The following BLTP1 variants were observed in gnomAD, a reference collection of about 807,000 sequenced individuals.
The protein encoded by BLTP1 is bridge-like lipid transfer protein family member 1, also known as fragile site-associated protein.
At chr4:122,161,120 C>A in the BLTP1 span, 1 of 983,792 alleles carries the variant, frequency 1.0e-6, no homozygotes, top group African/African-American at 1.7e-5. Flanking sequence ...AAGGAGAGCT[C>A]TAAAGTTGGT....
the BLTP1 span, chr4:122,193,664 A>C: frequency 1.1e-6 from 1 of 887,642 alleles, no homozygotes; most frequent in Non-Finnish European, 1.3e-6. Flanking sequence ...TAGTTAAATT[A>C]GTTTAGTTTT....
chr4:122,319,928 A>G, the BLTP1 span, among the ~76,000 whole-genome samples: 2 of 152,114 alleles, frequency 1.3e-5, no homozygotes, highest in Non-Finnish European at 2.9e-5. Context: ...GAGCTTGAGA[A>G]GAATGTGTTA....
the BLTP1 span, among the ~76,000 whole-genome samples, chr4:122,195,090 T>C: frequency 2.7e-4 from 41 of 152,194 alleles, 2 homozygotes; most frequent in Admixed American, 2.6e-3. Flanking sequence ...AGGACAGTTT[T>C]CTTAGCAGCC....
the BLTP1 span, chr4:122,356,585 A>G: frequency 1.0e-5 from 16 of 1,600,052 alleles, no homozygotes; most frequent in East Asian, 3.6e-4. Context: ...TGGGAAGATG[A>G]CTCATTTTAT....
the BLTP1 span, chr4:122,190,157 C>T: frequency 7.6e-5 from 118 of 1,553,758 alleles, no homozygotes; most frequent in Non-Finnish European, 9.8e-5. Context: ...AATGCAGTGG[C>T]GTAATCATAG....
chr4:122,205,647 CT>C, the BLTP1 span, among the ~76,000 whole-genome samples: 1 of 148,810 alleles, frequency 6.7e-6, no homozygotes, highest in East Asian at 2.0e-4. Flanking sequence ...CCCCTTCTCT[CT>C]CTCTCTCTCT....
At chr4:122,331,388 G>A in the BLTP1 span, 1 of 1,611,940 alleles carries the variant, frequency 6.2e-7, no homozygotes, top group Non-Finnish European at 8.5e-7. Context: ...ACAGAACGCT[G>A]GCCAACAACA....
chr4:122,298,193 A>G, the BLTP1 span: 84 of 840,858 alleles, frequency 1.0e-4, no homozygotes, highest in African/African-American at 2.9e-4. Flanking sequence ...TTAATTGAAT[A>G]AATAGATAAG....
At chr4:122,197,718 G>T in the BLTP1 span, among the ~76,000 whole-genome samples, 1 of 151,940 alleles carries the variant, frequency 6.6e-6, no homozygotes, top group Non-Finnish European at 1.5e-5. Context: ...AAGCCGGGTG[G>T]GTACTTTGAG....
At chr4:122,263,590 T>C in the BLTP1 span, 17 of 1,600,686 alleles carry the variant, frequency 1.1e-5, no homozygotes, top group Non-Finnish European at 1.4e-5. Flanking sequence ...GACACAATAG[T>C]CTTCCCACAG....
the BLTP1 span, among the ~76,000 whole-genome samples, chr4:122,240,780 G>A: frequency 6.6e-6 from 1 of 152,114 alleles, no homozygotes; most frequent in African/African-American, 2.4e-5. Context: ...TATGAATATG[G>A]TTATTGGGCA....
At chr4:122,322,425 A>G in the BLTP1 span, among the ~76,000 whole-genome samples, 7 of 100,740 alleles carry the variant, frequency 6.9e-5, no homozygotes, top group African/African-American at 3.0e-4. Context: ...CTGATCTTGC[A>G]TGCTGTCCAC....
chr4:122,206,931 T>A, the BLTP1 span: 1 of 158,376 alleles, frequency 6.3e-6, no homozygotes, highest in African/African-American at 2.4e-5. Flanking sequence ...TAAGTAAACA[T>A]CTGTTTACTG....
the BLTP1 span, chr4:122,192,551 G>T: frequency 5.9e-6 from 1 of 170,472 alleles, no homozygotes; most frequent in Non-Finnish European, 1.2e-5. Context: ...CCACAAGCAA[G>T]TTCATTCCAA....
the BLTP1 span, chr4:122,229,794 TATTTC>T: frequency 7.4e-7 from 1 of 1,357,666 alleles, no homozygotes; most frequent in South Asian, 2.0e-5. Context: ...TTTCCTTTTT[TATTTC>T]TTTTTCCTTT....
At chr4:122,356,625 C>T in the BLTP1 span, 1 of 1,609,840 alleles carries the variant, frequency 6.2e-7, no homozygotes, top group Non-Finnish European at 8.5e-7. Flanking sequence ...TTGCAGATGC[C>T]AGCCTGAAGC....
chr4:122,345,927 C>A, the BLTP1 span: 1 of 647,158 alleles, frequency 1.5e-6, no homozygotes, highest in Non-Finnish European at 1.9e-6. Context: ...AAACTTTTAG[C>A]TTAGATGACT....
chr4:122,265,000 G>T, the BLTP1 span, among the ~76,000 whole-genome samples: 7 of 152,270 alleles, frequency 4.6e-5, no homozygotes, highest in Non-Finnish European at 8.8e-5. Context: ...AATAAAGAGT[G>T]AAACCCTTTA....
chr4:122,195,764 C>G, the BLTP1 span: 1 of 451,764 alleles, frequency 2.2e-6, no homozygotes, highest in South Asian at 9.3e-5. Context: ...ACTTTATTTT[C>G]CTTTCATATA....
Sources: gnomAD v4.1 joint callset for allele counts (sites outside exome capture counted in the v4.1 genomes callset) on GRCh38, gnomAD v4.1.1 for gene constraint, MANE v1.5 for transcripts, NCBI Gene and HGNC (gene_info 2026-07-23, HGNC 2026-07-21) for gene names.